SORCS2: variants seen among roughly 807,000 people sequenced by gnomAD.
SORCS2 encodes the protein sortilin related VPS10 domain containing receptor 2.
Under a neutral mutation model 141.6 loss-of-function variants are expected in SORCS2, and 100 were observed. The observed-to-expected ratio is 0.71, with a 90% CI of 0.60 to 0.83. The LOEUF (loss-of-function observed/expected upper bound fraction) is 0.83, where lower values mean the gene tolerates loss of function less well. Among genes scored for constraint, SORCS2 ranks in the 40% least tolerant of loss-of-function variants. The pLI, the probability that SORCS2 is intolerant of heterozygous loss-of-function variation, is 0.00. For synonymous variants in SORCS2, 789 were observed against 676.9 expected (o/e 1.17, Z -2.57); for missense variants, 1,646 against 1,560.2 (o/e 1.05, Z -0.93).
At chr4:7,640,938 G>C (rs1720692521) in intron 4 of SORCS2, among the ~76,000 whole-genome samples, 1 of 152,064 alleles carries the variant, frequency 6.6e-6, no homozygotes, top group South Asian at 2.1e-4. Context: ...AGAGGCTGTG[G>C]AACTGTCTAC....
rs561962868 is a variant in SORCS2, at chr4:7,628,991, A to C, written c.649-9337A>C. Among the ~76,000 whole-genome samples, 11 of 152,304 alleles carry C rather than the reference A, an allele frequency of 7.2e-5. No homozygotes were observed. In the East Asian group the frequency reaches 2.1e-3, roughly 29 times the overall value. ...CAGGGCCCACTTAGATGGTGTGCTG[A>C]GGAAGGGCCTCTGAGACGGTGGCCT... On this transcript the variant is annotated intron_variant, in intron 3 of 26. Coordinates refer to ENST00000507866, the MANE Select transcript of SORCS2 (RefSeq NM_020777.3).
chr4:7,427,049 T>C (rs962219807), intron 2 of SORCS2, among the ~76,000 whole-genome samples: 5 of 152,082 alleles, frequency 3.3e-5, no homozygotes, highest in Admixed American at 1.3e-4. Flanking sequence ...GGTGGTTCCA[T>C]TGAGCCCTCG....
chr4:7,372,854 C>T (rs946502905), intron 1 of SORCS2, among the ~76,000 whole-genome samples: 2 of 152,112 alleles, frequency 1.3e-5, no homozygotes, highest in African/African-American at 2.4e-5. Flanking sequence ...GCTTTCACTC[C>T]CGCAGTCCTG....
At chr4:7,739,668 G>C (rs1411948079) in intron 26 of SORCS2, among the ~76,000 whole-genome samples, 1 of 152,150 alleles carries the variant, frequency 6.6e-6, no homozygotes, top group African/African-American at 2.4e-5. Context: ...GGTGCTCCCA[G>C]CCGTGTCTCC....
intron 2 of SORCS2, among the ~76,000 whole-genome samples, chr4:7,455,426 A>G (rs373958638): frequency 2.5e-4 from 22 of 86,828 alleles, no homozygotes; most frequent in African/African-American, 1.1e-3. Flanking sequence ...TGTTGGGGTC[A>G]GTGCTGTGTG....
intron 3 of SORCS2, among the ~76,000 whole-genome samples, chr4:7,556,676 C>A (rs1714129772): frequency 6.6e-6 from 1 of 152,094 alleles, no homozygotes; most frequent in South Asian, 2.1e-4. Flanking sequence ...ATCCATCCAT[C>A]CAGTCACCCA....
At chr4:7,533,438 G>GC (rs1383818202) in intron 3 of SORCS2, among the ~76,000 whole-genome samples, 1 of 152,156 alleles carries the variant, frequency 6.6e-6, no homozygotes, top group Non-Finnish European at 1.5e-5. Context: ...AGGAGGCCAC[G>GC]CCCCCCACCT....
intron 1 of SORCS2, among the ~76,000 whole-genome samples, chr4:7,272,610 C>T (rs1715218041): frequency 6.6e-6 from 1 of 152,226 alleles, no homozygotes; most frequent in African/African-American, 2.4e-5. Flanking sequence ...GTGAGACCTT[C>T]CGGTTCATTC....
At chr4:7,508,455 A>G (rs1188406637) in intron 2 of SORCS2, among the ~76,000 whole-genome samples, 1 of 143,790 alleles carries the variant, frequency 7.0e-6, no homozygotes, top group Non-Finnish European at 1.5e-5. Flanking sequence ...GGTTCAAGTG[A>G]TTCTCCTGAC....
At chr4:7,662,224 TC>T (rs1242184888) in intron 6 of SORCS2, among the ~76,000 whole-genome samples, 57 of 76,998 alleles carry the variant, frequency 7.4e-4, no homozygotes, top group East Asian at 1.7e-3. Flanking sequence ...CTCCCCACCC[TC>T]CCCCCCCTCC....
chr4:7,522,613 C>T (rs1311546612), intron 2 of SORCS2, among the ~76,000 whole-genome samples: 1 of 152,040 alleles, frequency 6.6e-6, no homozygotes, highest in Non-Finnish European at 1.5e-5. Flanking sequence ...CTGCCTCTTC[C>T]CCTTCCCCTT....
chr4:7,576,775 C>T (rs1715779933), intron 3 of SORCS2, among the ~76,000 whole-genome samples: 1 of 152,158 alleles, frequency 6.6e-6, no homozygotes, highest in Non-Finnish European at 1.5e-5. Context: ...CAAAGGGCTG[C>T]CTGCTCAAGC....
rs1417371504 is a variant in SORCS2 at position 7,235,736 on chromosome 4, A to G, written c.480+42610A>G. ...CTGATTGTGCTGCCTGAGTCTATCC[A>G]TGCCCACTCTGATGAGCACTTAGTG... On this transcript the variant is annotated intron_variant, in intron 1 of 26. Transcript: ENST00000507866. 2.6e-5 allele frequency among the ~76,000 whole-genome samples: 4 copies of G among 152,180 alleles called. No individual in the cohort carries two copies. The South Asian group carries it at 6.2e-4, about 24-fold the overall frequency.
At chr4:7,647,707 G>T (rs1721170268) in intron 4 of SORCS2, among the ~76,000 whole-genome samples, 1 of 152,218 alleles carries the variant, frequency 6.6e-6, no homozygotes, top group African/African-American at 2.4e-5. Flanking sequence ...GGGGTCGCCA[G>T]CCACCCAGGA....
chr4:7,251,202 C>T (rs2041130414), intron 1 of SORCS2, among the ~76,000 whole-genome samples: 1 of 152,214 alleles, frequency 6.6e-6, no homozygotes, highest in Admixed American at 6.5e-5. Flanking sequence ...TAGTGGCCAG[C>T]TTCAGGTGTG....
chr4:7,609,020 G>A (rs540247240), intron 3 of SORCS2, among the ~76,000 whole-genome samples: 3 of 152,166 alleles, frequency 2.0e-5, no homozygotes, highest in Non-Finnish European at 2.9e-5. Flanking sequence ...GTGAACATGA[G>A]GTTCTGAGCG....
intron 23 of SORCS2, among the ~76,000 whole-genome samples, chr4:7,730,744 G>C (rs917555062): frequency 2.0e-5 from 3 of 152,214 alleles, no homozygotes; most frequent in African/African-American, 7.2e-5. Context: ...AGGGCGCATG[G>C]CGAGTGACTG....
At chr4:7,514,047 T>A (rs1218633180) in intron 2 of SORCS2, among the ~76,000 whole-genome samples, 1 of 152,160 alleles carries the variant, frequency 6.6e-6, no homozygotes, top group Non-Finnish European at 1.5e-5. Context: ...TCAGCAAACT[T>A]TCACTGACTG....
At chr4:7,240,049 G>T (rs182997205) in intron 1 of SORCS2, among the ~76,000 whole-genome samples, 34 of 152,330 alleles carry the variant, frequency 2.2e-4, no homozygotes, top group Admixed American at 1.2e-3. Flanking sequence ...CCTCACTGTA[G>T]ACCCGGTTTC....
Sources: gnomAD v4.1 joint callset for allele counts (sites outside exome capture counted in the v4.1 genomes callset) on GRCh38, gnomAD v4.1.1 for gene constraint, MANE v1.5 for transcripts, NCBI Gene and HGNC (gene_info 2026-07-23, HGNC 2026-07-21) for gene names.